The following CALN1 variants were observed in gnomAD, a reference collection of about 807,000 sequenced individuals.
CALN1 encodes the protein calneuron 1.
A neutral mutation model predicts 30.6 loss-of-function variants in CALN1; 17 were observed. The ratio of observed to expected loss-of-function variants is 0.56; its 90% CI spans 0.38 to 0.83. The LOEUF (loss-of-function observed/expected upper bound fraction) is 0.83, where lower values mean the gene tolerates loss of function less well. Ranked by LOEUF, CALN1 falls within the 40% of genes least tolerant of loss-of-function variation. The pLI is 0.00. For synonymous variants in CALN1, 156 were observed against 131.4 expected (o/e 1.19, Z -1.28); for missense variants, 291 against 354.9 (o/e 0.82, Z 1.45).
chr7:72,478,435 G>A, the CALN1 span, among the ~76,000 whole-genome samples: 1 of 150,346 alleles, frequency 6.7e-6, no homozygotes, highest in East Asian at 1.9e-4. Flanking sequence ...GTGGTGGCAT[G>A]TTCCTGTAGT....
chr7:72,317,739 A>G (rs1262969014), intron 2 of CALN1, among the ~76,000 whole-genome samples: 1 of 152,178 alleles, frequency 6.6e-6, no homozygotes, highest in African/African-American at 2.4e-5. Flanking sequence ...GGAGAACATT[A>G]CTTCCAGTCT....
intron 4 of CALN1, 124 bp from the exon 5 acceptor site, chr7:72,023,893 A>T: frequency 1.6e-6 from 1 of 609,644 alleles, no homozygotes; most frequent in Non-Finnish European, 2.9e-6. Flanking sequence ...AAGAGCTGGT[A>T]ACATTACTTA....
intron 5 of CALN1, among the ~76,000 whole-genome samples, chr7:71,829,687 T>C (rs1187712230): frequency 4.0e-5 from 6 of 151,824 alleles, no homozygotes; most frequent in Non-Finnish European, 7.4e-5. Flanking sequence ...GCCTCTAGAG[T>C]AAAGTGGGAT....
chr7:72,027,759 A>AC (rs1491568100), intron 4 of CALN1, among the ~76,000 whole-genome samples: 7 of 146,816 alleles, frequency 4.8e-5, no homozygotes, highest in East Asian at 2.1e-4. Context: ...ACACACACAC[A>AC]AAAACACATG....
At chr7:72,117,978 A>C (rs1808112462) in intron 3 of CALN1, among the ~76,000 whole-genome samples, 1 of 151,938 alleles carries the variant, frequency 6.6e-6, no homozygotes, top group Non-Finnish European at 1.5e-5. Context: ...AAGAAAAAAA[A>C]AAAAGAATCA....
At chr7:72,352,380 C>A (rs1802971032) in intron 2 of CALN1, among the ~76,000 whole-genome samples, 2 of 105,004 alleles carry the variant, frequency 1.9e-5, no homozygotes, top group Non-Finnish European at 3.5e-5. Context: ...CAGAGTGAGA[C>A]TCTGTCTCAA....
intron 2 of CALN1, among the ~76,000 whole-genome samples, chr7:72,391,748 T>C (rs749567421): frequency 4.6e-5 from 7 of 152,174 alleles, no homozygotes; most frequent in Non-Finnish European, 8.8e-5. Context: ...CCTGCCACCA[T>C]GTAAGACATG....
At position 71,872,717 on chromosome 7, in the gene CALN1, G is replaced by A. The variant is rs182273778; in HGVS notation, c.502-62225C>T. On this transcript the variant is annotated intron_variant, in intron 5 of 6. Transcript: ENST00000395275. ...CAACCTCTGCCTCCCGGGTTCAAGCGATTCTCCTACCTCAGCCTCCTGAGG... is the reference window on the plus strand; with the variant it reads ...CAACCTCTGCCTCCCGGGTTCAAGCAATTCTCCTACCTCAGCCTCCTGAGG... Among the ~76,000 whole-genome samples, 1,237 of 151,648 alleles carry A rather than the reference G, an allele frequency of 8.2e-3. 12 individuals are homozygous for A. Among genetic ancestry groups the A allele is most frequent in the Middle Eastern group, 0.037 (11 of 294 alleles).
At chr7:71,986,289 C>T (rs1043989670) in intron 5 of CALN1, among the ~76,000 whole-genome samples, 3 of 152,136 alleles carry the variant, frequency 2.0e-5, no homozygotes, top group African/African-American at 7.2e-5. Context: ...CTCAGGTGAT[C>T]CACCTGACTT....
chr7:72,236,316 T>C (rs982759189), intron 3 of CALN1, among the ~76,000 whole-genome samples: 2 of 152,118 alleles, frequency 1.3e-5, no homozygotes, highest in Non-Finnish European at 2.9e-5. Context: ...AAAGAGAACA[T>C]ATAAAATACT....
intron 1 of CALN1, among the ~76,000 whole-genome samples, chr7:72,408,684 T>TTTTTTC (rs1211090179): frequency 1.5e-5 from 2 of 133,298 alleles, no homozygotes; most frequent in Non-Finnish European, 3.2e-5. Flanking sequence ...CCTTTTTTTT[T>TTTTTTC]TTTTTTTTTT....
chr7:72,034,396 AAAG>A (rs2129532625), intron 4 of CALN1, among the ~76,000 whole-genome samples: 1 of 151,780 alleles, frequency 6.6e-6, no homozygotes, highest in Admixed American at 6.6e-5. Flanking sequence ...TAGGAACAAC[AAAG>A]AAGTCAGGAG....
intron 5 of CALN1, among the ~76,000 whole-genome samples, chr7:71,881,261 A>T (rs1289174590): frequency 6.6e-6 from 1 of 151,504 alleles, no homozygotes; most frequent in African/African-American, 2.4e-5. Context: ...TGGGACTGGG[A>T]CTGGCTTCCT....
intron 5 of CALN1, among the ~76,000 whole-genome samples, chr7:71,936,248 C>T (rs942114108): frequency 6.6e-6 from 1 of 152,054 alleles, no homozygotes; most frequent in Non-Finnish European, 1.5e-5. Flanking sequence ...CCTGCAATCC[C>T]AGCACTTTGG....
chr7:72,334,574 G>T (rs1447650140), intron 2 of CALN1, among the ~76,000 whole-genome samples: 3 of 151,882 alleles, frequency 2.0e-5, no homozygotes, highest in Admixed American at 6.6e-5. Context: ...ATCAAGTCTT[G>T]CCCATCGTTT....
At chr7:72,073,192 A>C (rs1471147102) in intron 4 of CALN1, among the ~76,000 whole-genome samples, 1 of 152,250 alleles carries the variant, frequency 6.6e-6, no homozygotes, top group African/African-American at 2.4e-5. Context: ...AGATACTTAC[A>C]GAGTAGTCAA....
intron 5 of CALN1, among the ~76,000 whole-genome samples, chr7:71,964,085 T>C (rs1175893718): frequency 6.6e-6 from 1 of 152,260 alleles, no homozygotes; most frequent in East Asian, 1.9e-4. Context: ...CTGCTATGTA[T>C]GTACATCTGA....
chr7:72,076,721 A>AT, intron 4 of CALN1, among the ~76,000 whole-genome samples: 1 of 138,456 alleles, frequency 7.2e-6, no homozygotes, highest in Admixed American at 8.0e-5. Flanking sequence ...GTGGGCAGCC[A>AT]CTCCTCAGAG....
chr7:72,054,512 TATATATAC>T (rs1803104916), intron 4 of CALN1, among the ~76,000 whole-genome samples: 1 of 56,542 alleles, frequency 1.8e-5, no homozygotes, highest in South Asian at 1.3e-3. Flanking sequence ...TATATATACA[TATATATAC>T]ATATATACAT....
Sources: allele counts gnomAD v4.1 joint callset (sites outside exome capture counted in the v4.1 genomes callset), GRCh38; gene constraint gnomAD v4.1.1; transcripts MANE v1.5; gene names NCBI Gene and HGNC (gene_info 2026-07-23, HGNC 2026-07-21).